ZNF91: variants seen among roughly 807,000 people sequenced by gnomAD.
ZNF91 encodes zinc finger protein 91 (HPF7, HTF10).
Under a neutral mutation model 12.6 loss-of-function variants are expected in ZNF91, and 7 were observed. The observed-to-expected ratio is 0.55, with a 90% CI of 0.31 to 1.04. The LOEUF is 1.04. Among genes scored for constraint, ZNF91 ranks in the 50% least tolerant of loss-of-function variants. The probability of loss-of-function intolerance (pLI) is 0.05; values close to 1 mark genes in which losing one functional copy is unlikely to be tolerated. For missense variants in ZNF91, 1,217 were observed against 1,385.4 expected (o/e 0.88, Z 1.93); for synonymous variants, 453 against 462.6 (o/e 0.98, Z 0.27).
At chr19:23,374,414 G>T (rs1412593585) in intron 2 of ZNF91, among the ~76,000 whole-genome samples, 3 of 138,430 alleles carry the variant, frequency 2.2e-5, no homozygotes, top group African/African-American at 7.9e-5. Context: ...AAAAAAATTA[G>T]CCGGGCATGG....
intron 1 of ZNF91, among the ~76,000 whole-genome samples, chr19:23,375,723 A>G (rs952662404): frequency 3.9e-5 from 6 of 152,200 alleles, no homozygotes; most frequent in Non-Finnish European, 8.8e-5. Context: ...ACCTAAAAAA[A>G]AAAGGGCAGC....
chr19:23,360,358 A>G lies in ZNF91; in HGVS notation c.2621T>C (p.Ile874Thr). 6.2e-7 allele frequency: 1 copy of G among 1,613,838 alleles called. No individual in the cohort carries two copies. Among genetic ancestry groups the G allele is most frequent in the Non-Finnish European group, 8.5e-7 (1 of 1,179,972 alleles). ...NQSSNLTTHK[I>T]IHTKEKPSKS... is the part of the protein sequence containing the mutation. Reference sequence around the variant, plus strand: ...GGAAGGTTTCTCTTTAGTATGAATTATCTTATGTGTCGTAAGATTTGAAGA... The same window carrying G: ...GGAAGGTTTCTCTTTAGTATGAATTGTCTTATGTGTCGTAAGATTTGAAGA... The change falls in exon 4 of 4, where the codon ATA becomes ACA. Residue 874 changes from isoleucine (I) to threonine (T), a missense_variant. By Grantham distance (89) the Ile-to-Thr change is moderately conservative. Coordinates refer to ENST00000300619, the MANE Select transcript of ZNF91 (RefSeq NM_003430.4).
intron 1 of ZNF91, among the ~76,000 whole-genome samples, chr19:23,319,841 G>A (rs1240209305): frequency 6.6e-6 from 1 of 152,200 alleles, no homozygotes; most frequent in Non-Finnish European, 1.5e-5. Flanking sequence ...GCTCACAGGT[G>A]ATGATGACTC....
downstream of ZNF91, chr19:23,338,541 T>C (rs1359336265): frequency 6.6e-6 from 1 of 152,014 alleles, no homozygotes; most frequent in Non-Finnish European, 1.5e-5. Context: ...AACAAGAGAT[T>C]GATATTCACC....
At chr19:23,336,050 C>A (rs1968002975), downstream of ZNF91, among the ~76,000 whole-genome samples, 1 of 152,120 alleles carries the variant, frequency 6.6e-6, no homozygotes, top group Admixed American at 6.6e-5. Context: ...ACCGGAAGTA[C>A]AATTTGATGT....
chr19:23,312,353 A>T (rs753068698), upstream of ZNF91, among the ~76,000 whole-genome samples: 2 of 152,180 alleles, frequency 1.3e-5, no homozygotes, highest in African/African-American at 4.8e-5. Context: ...GAAAGATACT[A>T]TCTCTCTTAG....
At chr19:23,374,930 T>C (rs1969450747) in intron 1 of ZNF91, among the ~76,000 whole-genome samples, 166 bp from the exon 2 acceptor site, 1 of 152,230 alleles carries the variant, frequency 6.6e-6, no homozygotes, top group African/African-American at 2.4e-5. Context: ...TTGTAATGTA[T>C]TCTCTAACTC....
At chr19:23,332,225 T>C (rs1000960189) in intron 1 of ZNF91, among the ~76,000 whole-genome samples, 2 of 152,210 alleles carry the variant, frequency 1.3e-5, no homozygotes, top group African/African-American at 4.8e-5. Flanking sequence ...AAGTTGAACT[T>C]TAATTTTCAC....
chr19:23,349,972 T>C (rs879546684), intron 3 of ZNF91, among the ~76,000 whole-genome samples: 7 of 152,148 alleles, frequency 4.6e-5, no homozygotes, highest in Admixed American at 3.3e-4. Context: ...CATGGGGTTA[T>C]TGCACTCCCA....
At chr19:23,324,524 T>C (rs1181721429) in intron 1 of ZNF91, 5 of 151,352 alleles carry the variant, frequency 3.3e-5, no homozygotes, top group Non-Finnish European at 7.4e-5. Context: ...CAAGTATATA[T>C]ATATATATAC....
chr19:23,391,574 T>C (rs57703414), intron 1 of ZNF91, among the ~76,000 whole-genome samples: 16,983 of 152,244 alleles, frequency 0.11, 1,492 homozygotes, highest in East Asian at 0.37. Flanking sequence ...CAATACTCCT[T>C]TGAAATTCAA....
intron 3 of ZNF91, among the ~76,000 whole-genome samples, chr19:23,372,285 C>T (rs1051280685): frequency 6.6e-6 from 1 of 151,970 alleles, no homozygotes; most frequent in African/African-American, 2.4e-5. Context: ...GCAGCCATTC[C>T]TGACAAAAAT....
chr19:23,305,476 C>G (rs1221707092), intron 3 of ZNF91, among the ~76,000 whole-genome samples: 1 of 152,118 alleles, frequency 6.6e-6, no homozygotes, highest in East Asian at 1.9e-4. Flanking sequence ...CAGTCAGTTA[C>G]CTCATTCTAG....
chr19:23,359,682 C>T lies in ZNF91; in HGVS notation c.3297G>A (p.Leu1099=). The T allele has an allele frequency of 6.2e-7, 1 of 1,613,016 alleles. No individual in the cohort carries two copies. The part of the protein sequence containing the change: ...QSSTLTRHKR[L]HTGEKPYKCG... ...ATTTGTAGGGTTTCTCTCCGGTGTG[C>T]AACCTCTTATGTCTAGTTAGGGTTG... is the stretch of plus-strand genomic sequence containing the variant. The change falls in exon 4 of 4, where the codon TTG becomes TTA. Residue 1099 remains leucine (L), a synonymous_variant. Transcript: ENST00000300619.
At chr19:23,366,529 A>C (rs1969021342) in intron 3 of ZNF91, among the ~76,000 whole-genome samples, 1 of 152,206 alleles carries the variant, frequency 6.6e-6, no homozygotes, top group Non-Finnish European at 1.5e-5. Flanking sequence ...TTAAAAAACC[A>C]AGTTTATTTG....
At position 23,365,031 on chromosome 19, in the gene ZNF91, A is replaced by T. The variant is rs183957149; in HGVS notation, c.254-2306T>A. Among the ~76,000 whole-genome samples the T allele has an allele frequency of 2.6e-4, 39 of 152,268 alleles. No homozygotes were observed. In the East Asian group the frequency reaches 6.9e-3, roughly 27 times the overall value. On this transcript the variant is annotated intron_variant, in intron 3 of 3. Transcript: ENST00000300619. Reference sequence around the variant, plus strand: ...TATACAATTGCAAAACCAAATTAAAACATGGAATGTAAACTTTATTAGGCA... The same window carrying T: ...TATACAATTGCAAAACCAAATTAAATCATGGAATGTAAACTTTATTAGGCA...
intron 1 of ZNF91, among the ~76,000 whole-genome samples, chr19:23,394,062 T>C (rs1357388638): frequency 6.6e-6 from 1 of 152,114 alleles, no homozygotes; most frequent in Non-Finnish European, 1.5e-5. Context: ...AAATAGTTGA[T>C]AAAGTGAATT....
In ZNF91 at chr19:23,395,426, A is replaced by G. The variant is rs1599767633; in HGVS notation, c.-72T>C. The G allele has an allele frequency of 6.4e-6, 10 of 1,571,606 alleles. No homozygotes were observed. In the East Asian group the frequency reaches 2.3e-4, roughly 35 times the overall value. On this transcript the variant is annotated 5_prime_UTR_variant, in exon 1 of 4. Transcript: ENST00000300619. ...CTGGGCCTCCTGGAGCAGAGGACACAGAGCAGTGAAGTCGAGACCTGGAAA... is the reference window on the plus strand; with the variant it reads ...CTGGGCCTCCTGGAGCAGAGGACACGGAGCAGTGAAGTCGAGACCTGGAAA...
chr19:23,346,090 A>G (rs1210065298), intron 3 of ZNF91, among the ~76,000 whole-genome samples: 1 of 152,136 alleles, frequency 6.6e-6, no homozygotes, highest in Non-Finnish European at 1.5e-5. Flanking sequence ...GAAACTGAAC[A>G]TGTTGTTAGA....
Sources: allele counts gnomAD v4.1 joint callset (sites outside exome capture counted in the v4.1 genomes callset), GRCh38; gene constraint gnomAD v4.1.1; transcripts MANE v1.5; gene names NCBI Gene and HGNC (gene_info 2026-07-23, HGNC 2026-07-21).